SUGT1: variants seen among roughly 807,000 people sequenced by gnomAD.
The protein encoded by SUGT1 is SGT1 assembly cochaperone of MIS12 kinetochore complex, also known as protein SGT1 homolog.
SUGT1 carries 15 observed loss-of-function variants against 56.1 expected under a neutral mutation model. That is an observed-to-expected ratio of 0.27 (90% CI 0.18 to 0.41). The LOEUF is 0.41. SUGT1 is among the 10% of genes least tolerant of loss of function. The pLI, the probability that SUGT1 is intolerant of heterozygous loss-of-function variation, is 1.00. For missense variants in SUGT1, 347 were observed against 382.2 expected (o/e 0.91, Z 0.77); for synonymous variants, 123 against 128.6 (o/e 0.96, Z 0.30).
chr13:52,669,521 A>G (rs553887975), intron 10 of SUGT1, among the ~76,000 whole-genome samples: 8 of 152,334 alleles, frequency 5.3e-5, no homozygotes, highest in African/African-American at 1.7e-4. Flanking sequence ...CCCCAAGTTT[A>G]CCTAGTTAAC....
Position 52,663,113 on chromosome 13 carries a change from G to GTA in SUGT1, c.399+2_399+3dup. 1 of 1,608,764 alleles carries GTA rather than the reference G, an allele frequency of 6.2e-7. No individual in the cohort carries two copies. Among genetic ancestry groups the GTA allele is most frequent in the Non-Finnish European group, 8.5e-7 (1 of 1,178,158 alleles). On this transcript the variant is annotated splice_donor_variant, in intron 7 of 12. Coordinates refer to ENST00000310528, the MANE Select transcript of SUGT1 (RefSeq NM_006704.5). LOFTEE classifies it high-confidence loss of function. Reference sequence around the variant, plus strand: ...TTTAATAGGCTCAGAATCTGAGGTGGTAAGTCCAAAGTTTTCATTCTTCAT... The same window carrying GTA: ...TTTAATAGGCTCAGAATCTGAGGTGGTATAAGTCCAAAGTTTTCATTCTTCAT...
At position 52,700,329 on chromosome 13, in the gene SUGT1, C is replaced by A. The variant is rs561173355; in HGVS notation, c.*12494C>A. On this transcript the variant is annotated 3_prime_UTR_variant, in exon 13 of 13. Coordinates refer to ENST00000310528, the MANE Select transcript of SUGT1 (RefSeq NM_006704.5). ...AGCTATTTGCTATGTTTATATTATA[C>A]CTGCATAAAAGTATTTATGTATAGA... 1.3e-5 allele frequency: 2 copies of A among 152,164 alleles called. No homozygotes were observed. Among genetic ancestry groups the A allele is most frequent in the Admixed American group, 1.3e-4 (2 of 15,282 alleles). 9.4% of individuals were successfully genotyped at this position (152,164 alleles called of 1,614,324 possible).
chr13:52,681,715 C>T (rs1963381737), intron 12 of SUGT1, among the ~76,000 whole-genome samples: 1 of 151,840 alleles, frequency 6.6e-6, no homozygotes, highest in Non-Finnish European at 1.5e-5. Context: ...TGATGTTGTG[C>T]CCCTGTCAGC....
intron 10 of SUGT1, among the ~76,000 whole-genome samples, chr13:52,671,974 A>G (rs1448486931): frequency 1.3e-5 from 2 of 152,206 alleles, no homozygotes; most frequent in Non-Finnish European, 2.9e-5. Flanking sequence ...TATGGATAAC[A>G]ATCTTTTTTA....
intron 12 of SUGT1, among the ~76,000 whole-genome samples, chr13:52,684,451 T>C (rs1963497805): frequency 6.6e-6 from 1 of 151,980 alleles, no homozygotes; most frequent in Admixed American, 6.6e-5. Flanking sequence ...TTTCTATTTT[T>C]ATTTTCTTCC....
intron 2 of SUGT1, 58 bp downstream of exon 2, chr13:52,653,161 G>A: frequency 6.2e-7 from 1 of 1,604,772 alleles, no homozygotes; most frequent in Non-Finnish European, 8.5e-7. Flanking sequence ...GCCACTTCGG[G>A]TCCCCGCTGA....
chr13:52,678,099 C>G (rs1386202408), intron 11 of SUGT1, among the ~76,000 whole-genome samples: 1 of 152,146 alleles, frequency 6.6e-6, no homozygotes, highest in East Asian at 1.9e-4. Context: ...GAGATTAAAA[C>G]CTCTGTTCTC....
intron 5 of SUGT1, 103 bp from the exon 6 acceptor site, chr13:52,662,546 A>AATGTAG: frequency 1.7e-6 from 2 of 1,148,064 alleles, no homozygotes; most frequent in Admixed American, 1.9e-5. Flanking sequence ...CCGACTCCCC[A>AATGTAG]GTGCCTAGAA....
intron 10 of SUGT1, among the ~76,000 whole-genome samples, 163 bp downstream of exon 10, chr13:52,667,082 C>G (rs934336359): frequency 6.6e-6 from 1 of 152,134 alleles, no homozygotes; most frequent in East Asian, 1.9e-4. Flanking sequence ...TATTTTACCT[C>G]TCAAATTCTA....
chr13:52,679,282 C>T (rs1303306788), intron 11 of SUGT1, among the ~76,000 whole-genome samples: 2 of 152,184 alleles, frequency 1.3e-5, no homozygotes, highest in Non-Finnish European at 2.9e-5. Context: ...TAGCCTCTCT[C>T]GCTGCAAGCA....
chr13:52,686,123 T>C (rs558555949), intron 12 of SUGT1, among the ~76,000 whole-genome samples: 34 of 152,092 alleles, frequency 2.2e-4, no homozygotes, highest in Admixed American at 2.1e-3. Context: ...AGATGGAGTT[T>C]CACCACGTTG....
chr13:52,676,562 ACC>A (rs1396484916), intron 11 of SUGT1, among the ~76,000 whole-genome samples: 2 of 152,332 alleles, frequency 1.3e-5, no homozygotes, highest in Middle Eastern at 3.4e-3. Flanking sequence ...TTTATTGTTT[ACC>A]ATGTAAAGTT....
At position 52,670,388 on chromosome 13, in the gene SUGT1, A is replaced by C. The variant is rs1046618060; in HGVS notation, c.627+3469A>C. 2.0e-5 allele frequency among the ~76,000 whole-genome samples: 3 copies of C among 152,306 alleles called. No individual in the cohort carries two copies. The South Asian group carries it at 6.2e-4, about 32-fold the overall frequency. The stretch of plus-strand genomic sequence containing the variant: ...TTAATTTTTTAGAAATTAAGAAACT[A>C]TATGTCTTTCATCTTGTTGATTTCA... On this transcript the variant is annotated intron_variant, in intron 10 of 12. Coordinates refer to ENST00000310528, the MANE Select transcript of SUGT1 (RefSeq NM_006704.5).
intron 5 of SUGT1, among the ~76,000 whole-genome samples, chr13:52,660,541 T>C (rs555682624): frequency 6.6e-6 from 1 of 152,342 alleles, no homozygotes; most frequent in South Asian, 2.1e-4. Flanking sequence ...TGTTTGCCTT[T>C]CTGTTGTGTA....
At chr13:52,678,407 T>G (rs1005421992) in intron 11 of SUGT1, among the ~76,000 whole-genome samples, 1 of 152,180 alleles carries the variant, frequency 6.6e-6, no homozygotes, top group Non-Finnish European at 1.5e-5. Flanking sequence ...TTCTCAGCTA[T>G]TTTGACAAAA....
At chr13:52,679,590 T>A (rs1160049332) in intron 11 of SUGT1, among the ~76,000 whole-genome samples, 1 of 142,748 alleles carries the variant, frequency 7.0e-6, no homozygotes, top group African/African-American at 2.6e-5. Context: ...CTTTAAAAAA[T>A]TTCATTTTTA....
intron 12 of SUGT1, among the ~76,000 whole-genome samples, chr13:52,682,151 C>T (rs570905217): frequency 2.6e-5 from 4 of 152,094 alleles, no homozygotes; most frequent in Non-Finnish European, 4.4e-5. Flanking sequence ...ATCTCAAAGA[C>T]TCTCTCCTAT....
rs929013848 is a variant in SUGT1 at position 52,693,247 on chromosome 13, A to G, written c.*5412A>G. On this transcript the variant is annotated 3_prime_UTR_variant, in exon 13 of 13. Coordinates refer to ENST00000310528, the MANE Select transcript of SUGT1 (RefSeq NM_006704.5). ...TATATCATTGACTTTATTTTTTCCT[A>G]TGATTAAAGGATTCAGTTATACAAA... 2.0e-5 allele frequency: 3 copies of G among 152,026 alleles called. No individual in the cohort carries two copies. Among genetic ancestry groups the G allele is most frequent in the African/African-American group, 7.2e-5 (3 of 41,394 alleles). The allele number at this position is 152,026 out of a possible 1,614,324, so 9.4% of individuals were successfully genotyped here. A position where few individuals can be genotyped will look rare whatever the true frequency, so the allele number is the denominator to read the frequency against.
rs115865897 is a variant in SUGT1 at position 52,695,188 on chromosome 13, A to G, written c.*7353A>G. 2 of 152,198 alleles carry G rather than the reference A, an allele frequency of 1.3e-5. No individual in the cohort carries two copies. Among genetic ancestry groups the G allele is most frequent in the South Asian group, 2.1e-4 (1 of 4,830 alleles). 9.4% of individuals were successfully genotyped at this position (152,198 alleles called of 1,614,324 possible). ...GAAGTGACTGAAAGTGAACACATTC[A>G]TAAGTAATGAGCTTAGGCTGAGGAT... On this transcript the variant is annotated 3_prime_UTR_variant, in exon 13 of 13. Transcript: ENST00000310528.
Sources: allele counts gnomAD v4.1 joint callset (sites outside exome capture counted in the v4.1 genomes callset), GRCh38; gene constraint gnomAD v4.1.1; transcripts MANE v1.5; gene names NCBI Gene and HGNC (gene_info 2026-07-23, HGNC 2026-07-21).